The following HECW1 variants were observed in gnomAD, a reference collection of about 807,000 sequenced individuals.
HECW1 encodes the protein E3 ubiquitin-protein ligase HECW1.
A neutral mutation model predicts 182.3 loss-of-function variants in HECW1; 61 were observed. That is an observed-to-expected ratio of 0.33 (90% CI 0.27 to 0.41). The LOEUF is 0.41. Ranked by LOEUF, HECW1 falls within the 10% of genes least tolerant of loss-of-function variation. HECW1 has a pLI of 1.00. For synonymous variants in HECW1, 859 were observed against 832.6 expected (o/e 1.03, Z -0.55); for missense variants, 1,739 against 2,108.9 (o/e 0.82, Z 3.44).
chr7:43,113,972 G>A (rs1025704380), intron 1 of HECW1, 185 bp from the exon 2 acceptor site: 8 of 309,006 alleles, frequency 2.6e-5, no homozygotes, highest in Admixed American at 4.6e-5. Flanking sequence ...AGAGATGCCC[G>A]GCTTCCTGTG....
chr7:43,415,568 A>G (rs967190902), intron 8 of HECW1, among the ~76,000 whole-genome samples: 3 of 151,918 alleles, frequency 2.0e-5, no homozygotes, highest in Non-Finnish European at 2.9e-5. Context: ...GAATCTGAAC[A>G]TTGGCCTGCC....
chr7:43,134,783 C>CT (rs1443064471), intron 2 of HECW1, among the ~76,000 whole-genome samples: 1 of 152,070 alleles, frequency 6.6e-6, no homozygotes, highest in Non-Finnish European at 1.5e-5. Flanking sequence ...TGTGTTGTGA[C>CT]TTTTTCCCCA....
At chr7:43,554,501 T>A in intron 28 of HECW1, 91 bp from the exon 29 acceptor site, 1 of 1,136,824 alleles carries the variant, frequency 8.8e-7, no homozygotes. Context: ...TCCGTTCCTA[T>A]CATACCTGAT....
rs552072350 is a variant in HECW1 at position 43,335,180 on chromosome 7, G to T, written c.460+14438G>T. 2.0e-5 allele frequency among the ~76,000 whole-genome samples: 3 copies of T among 152,278 alleles called. No individual in the cohort carries two copies. The South Asian group carries it at 6.2e-4, about 32-fold the overall frequency. Reference sequence around the variant, plus strand: ...AGAGTTCAGGAACATGCAGAAAAAAGTAGTCAAAATAATCCACAATCAGGC... The same window carrying T: ...AGAGTTCAGGAACATGCAGAAAAAATTAGTCAAAATAATCCACAATCAGGC... On this transcript the variant is annotated intron_variant, in intron 5 of 29. Transcript: ENST00000395891.
chr7:43,222,422 A>G (rs1455254962), intron 2 of HECW1, among the ~76,000 whole-genome samples: 1 of 152,196 alleles, frequency 6.6e-6, no homozygotes, highest in Admixed American at 6.5e-5. Flanking sequence ...TACTTTGTAT[A>G]AGAGGGATTG....
intron 2 of HECW1, among the ~76,000 whole-genome samples, chr7:43,223,128 T>A (rs1797128778): frequency 6.6e-6 from 1 of 152,218 alleles, no homozygotes; most frequent in Non-Finnish European, 1.5e-5. Context: ...TCCTTCTCTT[T>A]CTATCCTGCT....
intron 11 of HECW1, 101 bp downstream of exon 11, chr7:43,445,671 C>G: frequency 7.1e-7 from 1 of 1,408,824 alleles, no homozygotes; most frequent in South Asian, 1.5e-5. Context: ...CGGTGTCAAA[C>G]GGGGTTGCTG....
rs145247867 is a variant in HECW1 at position 43,463,878 on chromosome 7, C to T, written c.2791+79C>T. 5.3e-3 allele frequency: 7,905 copies of T among 1,501,604 alleles called. 28 individuals carry two copies. The highest frequency in any genetic ancestry group is 7.0e-3 in the Admixed American group (395 of 56,258). 93.0% of individuals were successfully genotyped at this position (1,501,604 alleles called of 1,614,324 possible). A position where few individuals can be genotyped will look rare whatever the true frequency, so the allele number is the denominator to read the frequency against. ...AGAGGGCTACAAGCCTCCCACCCTG[C>T]CTCATGGGGAGCAATGTGCCCCAGG... On this transcript the variant is annotated intron_variant, in intron 14 of 29. Coordinates refer to ENST00000395891, the MANE Select transcript of HECW1 (RefSeq NM_015052.5).
rs999240150 is a variant in HECW1 at position 43,550,384 on chromosome 7, G to A, written c.4249-61G>A. On this transcript the variant is annotated intron_variant, in intron 26 of 29. Coordinates refer to ENST00000395891, the MANE Select transcript of HECW1 (RefSeq NM_015052.5). ...ATACGGTCATCCCCCTAAAATCAGT[G>A]TGCCTCCCTGAGAGATAAGCAGAAC... is the stretch of plus-strand genomic sequence containing the variant. The A allele has an allele frequency of 5.0e-6, 8 of 1,589,686 alleles. No homozygotes were observed. The Admixed American group carries it at 6.8e-5, about 13-fold the overall frequency.
intron 5 of HECW1, among the ~76,000 whole-genome samples, chr7:43,338,879 T>C (rs1812621033): frequency 6.6e-6 from 1 of 152,186 alleles, no homozygotes; most frequent in East Asian, 1.9e-4. Flanking sequence ...CCACTGGAGA[T>C]AAATAGTCTC....
At chr7:43,296,530 C>A (rs1452080207) in intron 3 of HECW1, among the ~76,000 whole-genome samples, 1 of 152,118 alleles carries the variant, frequency 6.6e-6, no homozygotes, top group African/African-American at 2.4e-5. Context: ...GACGCAGCTG[C>A]GGAAGCCTCA....
Position 43,442,661 on chromosome 7 carries a change from T to C in HECW1, c.1045+32T>C, listed in dbSNP as rs758310440. The C allele has an allele frequency of 2.9e-6, 4 of 1,398,606 alleles. No homozygotes were observed. The South Asian group carries it at 4.7e-5, about 16-fold the overall frequency. The allele number at this position is 1,398,606 out of a possible 1,614,324, so 86.6% of individuals were successfully genotyped here. A position where few individuals can be genotyped will look rare whatever the true frequency, so the allele number is the denominator to read the frequency against. On this transcript the variant is annotated intron_variant, in intron 10 of 29. Coordinates refer to ENST00000395891, the MANE Select transcript of HECW1 (RefSeq NM_015052.5). ...TCAGCATGAACTTCATGTCTTGTCCTAGGCTAGTGTCATAAGTGTGGTTCC... is the reference window on the plus strand; with the variant it reads ...TCAGCATGAACTTCATGTCTTGTCCCAGGCTAGTGTCATAAGTGTGGTTCC...
chr7:43,491,647 G>A (rs1014776074), intron 17 of HECW1, among the ~76,000 whole-genome samples: 51 of 152,070 alleles, frequency 3.4e-4, no homozygotes, highest in Admixed American at 1.3e-4. Context: ...CTGTTGCCCA[G>A]GCCAGAGTGA....
At chr7:43,212,263 T>C (rs1243763704) in intron 2 of HECW1, among the ~76,000 whole-genome samples, 1 of 152,204 alleles carries the variant, frequency 6.6e-6, no homozygotes, top group Non-Finnish European at 1.5e-5. Context: ...GTGTTATTAA[T>C]TAAGGTAGTC....
At chr7:43,352,047 A>G (rs529636786) in intron 5 of HECW1, among the ~76,000 whole-genome samples, 104 of 152,220 alleles carry the variant, frequency 6.8e-4, no homozygotes, top group African/African-American at 2.1e-3. Flanking sequence ...TATTCTTTTC[A>G]GCTTCTCAGC....
chr7:43,465,390 G>A (rs145612235), intron 14 of HECW1, among the ~76,000 whole-genome samples: 54 of 152,316 alleles, frequency 3.5e-4, no homozygotes, highest in African/African-American at 1.3e-3. Context: ...TCGGCCACAG[G>A]CTGACCTGAG....
intron 24 of HECW1, among the ~76,000 whole-genome samples, chr7:43,536,082 G>T (rs1434365492): frequency 6.6e-6 from 1 of 152,168 alleles, no homozygotes; most frequent in Non-Finnish European, 1.5e-5. Flanking sequence ...GGAAAACAGA[G>T]CATGCTTTCC....
At chr7:43,317,867 A>C (rs1441684322) in intron 4 of HECW1, among the ~76,000 whole-genome samples, 5 of 147,620 alleles carry the variant, frequency 3.4e-5, no homozygotes, top group Non-Finnish European at 7.5e-5. Context: ...CATCCTCGTC[A>C]TCCTTTGCTG....
chr7:43,507,952 T>C, intron 22 of HECW1, 66 bp from the exon 23 acceptor site: 2 of 1,127,904 alleles, frequency 1.8e-6, no homozygotes, highest in East Asian at 2.4e-5. Context: ...GACTCACAAC[T>C]CACTTAGAAC....
Sources: allele counts gnomAD v4.1 joint callset (sites outside exome capture counted in the v4.1 genomes callset), GRCh38; gene constraint gnomAD v4.1.1; transcripts MANE v1.5; gene names NCBI Gene and HGNC (gene_info 2026-07-23, HGNC 2026-07-21).